The following PARD6G variants were observed in gnomAD, a reference collection of about 807,000 sequenced individuals.
PARD6G encodes partitioning defective 6 homolog gamma.
In PARD6G, 7 loss-of-function variants were observed where a neutral mutation model predicts 10.7. The observed-to-expected ratio is 0.66, with a 90% CI of 0.37 to 1.23. PARD6G has a LOEUF of 1.23. Ranked by LOEUF, PARD6G falls within the 50% of genes most tolerant of loss-of-function variation. PARD6G has a pLI of 0.02. For missense variants in PARD6G, 548 were observed against 571.8 expected (o/e 0.96, Z 0.42); for synonymous variants, 287 against 269.4 (o/e 1.07, Z -0.64).
chr18:80,246,602 G>T lies in PARD6G; in HGVS notation c.72+675C>A, dbSNP rs1276258315. Among the ~76,000 whole-genome samples the T allele has an allele frequency of 6.9e-6, 1 of 144,036 alleles. No homozygotes were observed. Among genetic ancestry groups the T allele is most frequent in the Non-Finnish European group, 1.5e-5 (1 of 64,870 alleles). 94.5% of individuals were successfully genotyped at this position (144,036 alleles called of 152,430 possible). ...CTGGGGCGGGGGCGCGTCCGGAGGT[G>T]GGGGAGTCTGGGGTGGGGGCGCGCC... is the stretch of plus-strand genomic sequence containing the variant. On this transcript the variant is annotated intron_variant, in intron 1 of 2. Coordinates refer to ENST00000353265, the MANE Select transcript of PARD6G (RefSeq NM_032510.4). This position sits in a 1 kb window ranked among gnomAD's most constrained non-coding sequence, Gnocchi z 6.7.
At chr18:80,194,284 G>A (rs561813423) in intron 2 of PARD6G, among the ~76,000 whole-genome samples, 2 of 152,222 alleles carry the variant, frequency 1.3e-5, no homozygotes, top group East Asian at 1.9e-4. Context: ...TGTGAGGTGC[G>A]TGCCTGTCGC....
chr18:80,177,809 A>G (rs537120153), intron 2 of PARD6G, among the ~76,000 whole-genome samples: 12 of 152,132 alleles, frequency 7.9e-5, no homozygotes, highest in Admixed American at 6.5e-4. Context: ...ACACACACAT[A>G]CATACATGCA....
intron 1 of PARD6G, among the ~76,000 whole-genome samples, chr18:80,242,056 T>C (rs1352763902): frequency 3.3e-5 from 5 of 152,140 alleles, no homozygotes; most frequent in African/African-American, 1.2e-4. Context: ...ACCCCCTGGC[T>C]AGCTGGGGTG....
At chr18:80,169,681 G>T (rs547770068) in intron 2 of PARD6G, 2 of 152,312 alleles carry the variant, frequency 1.3e-5, no homozygotes, top group East Asian at 1.9e-4. Context: ...TAAAGTGAGA[G>T]ATACAGCTTC....
At chr18:80,205,990 C>T (rs186212836) in intron 1 of PARD6G, among the ~76,000 whole-genome samples, 8 of 152,324 alleles carry the variant, frequency 5.3e-5, no homozygotes, top group East Asian at 1.9e-4. Context: ...ACCTCAGGAA[C>T]GCCAGGCCTC....
intron 1 of PARD6G, among the ~76,000 whole-genome samples, chr18:80,227,572 A>T (rs931644568): frequency 1.3e-5 from 2 of 152,188 alleles, no homozygotes; most frequent in African/African-American, 4.8e-5. Context: ...CTTCCAAATG[A>T]CTCAAGAAGG....
chr18:80,247,045 G>A lies in PARD6G; in HGVS notation c.72+232C>T, dbSNP rs1381806970. 6.6e-6 allele frequency among the ~76,000 whole-genome samples: 1 copy of A among 152,116 alleles called. No individual in the cohort carries two copies. Among genetic ancestry groups the A allele is most frequent in the East Asian group, 1.9e-4 (1 of 5,152 alleles). ...CCAGAGTCTGCCCGGACTGTCCGAT[G>A]GCCCTCGGCCCTCTGAGCGCCGCGG... is the stretch of plus-strand genomic sequence containing the variant. On this transcript the variant is annotated intron_variant, in intron 1 of 2. Coordinates refer to ENST00000353265, the MANE Select transcript of PARD6G (RefSeq NM_032510.4). The surrounding 1 kb of genome is among the most constrained non-coding windows in gnomAD (Gnocchi z 4.2).
At chr18:80,185,894 TCACA>T (rs1190814324) in intron 2 of PARD6G, among the ~76,000 whole-genome samples, 2 of 104,442 alleles carry the variant, frequency 1.9e-5, no homozygotes, top group East Asian at 2.9e-4. Context: ...TTGCACACCC[TCACA>T]CACGCACCCA....
chr18:80,186,503 C>T (rs1024947981), intron 2 of PARD6G, among the ~76,000 whole-genome samples: 17 of 147,202 alleles, frequency 1.2e-4, no homozygotes, highest in South Asian at 2.2e-4. Flanking sequence ...CACACATGCT[C>T]GCACACCCTC....
chr18:80,159,360 A>G lies in PARD6G; in HGVS notation c.*411T>C, dbSNP rs543406701. ...CGGCCTCGCCTGCAAGTCAGCAGAG[A>G]GCACAGCAAGAATGCTGAGATATGT... On this transcript the variant is annotated 3_prime_UTR_variant, in exon 3 of 3. Transcript: ENST00000353265. 1.7e-4 allele frequency: 26 copies of G among 157,384 alleles called. No homozygotes were observed. Among genetic ancestry groups the G allele is most frequent in the African/African-American group, 6.2e-4 (26 of 41,782 alleles). 9.7% of individuals were successfully genotyped at this position (157,384 alleles called of 1,614,324 possible).
intron 1 of PARD6G, among the ~76,000 whole-genome samples, chr18:80,207,849 C>T (rs1967068667): frequency 6.6e-6 from 1 of 151,944 alleles, no homozygotes; most frequent in South Asian, 2.1e-4. Flanking sequence ...GGTAACGAAG[C>T]ATAAGTTATT....
chr18:80,240,715 G>T (rs939300869), intron 1 of PARD6G, among the ~76,000 whole-genome samples: 1 of 152,146 alleles, frequency 6.6e-6, no homozygotes, highest in Non-Finnish European at 1.5e-5. Flanking sequence ...CAATTTCAGG[G>T]GAGACTCAGC....
chr18:80,203,453 G>A (rs1410005844), intron 1 of PARD6G, among the ~76,000 whole-genome samples: 4 of 152,076 alleles, frequency 2.6e-5, no homozygotes, highest in Non-Finnish European at 5.9e-5. Context: ...GACCCAGGAC[G>A]GCCCTCTCGT....
chr18:80,176,133 T>G (rs1458626284), intron 2 of PARD6G, among the ~76,000 whole-genome samples: 1 of 152,028 alleles, frequency 6.6e-6, no homozygotes, highest in Admixed American at 6.6e-5. Flanking sequence ...AACTGATACG[T>G]CTTGAAACAC....
In PARD6G at chr18:80,247,370, C is replaced by G; in HGVS notation, c.-22G>C. 1 of 1,545,512 alleles carries G rather than the reference C, an allele frequency of 6.5e-7. No individual in the cohort carries two copies. Among genetic ancestry groups the G allele is most frequent in the Non-Finnish European group, 8.7e-7 (1 of 1,143,674 alleles). ...TCATGGTTTCGGCCCCGGTCAGCCT[C>G]GCCGTCGCCCTCGCTCCTCAGGGGC... On this transcript the variant is annotated 5_prime_UTR_variant, in exon 1 of 3. Coordinates refer to ENST00000353265, the MANE Select transcript of PARD6G (RefSeq NM_032510.4). The surrounding 1 kb of genome is among the most constrained non-coding windows in gnomAD (Gnocchi z 4.2).
chr18:80,167,263 G>A (rs1280147869), intron 2 of PARD6G, among the ~76,000 whole-genome samples: 1 of 151,678 alleles, frequency 6.6e-6, no homozygotes, highest in African/African-American at 2.4e-5. Flanking sequence ...AGTGTTGCGT[G>A]TGGACGTGTT....
chr18:80,188,789 T>A lies in PARD6G; in HGVS notation c.295+13921A>T, dbSNP rs2052892970. On this transcript the variant is annotated intron_variant, in intron 2 of 2. Coordinates refer to ENST00000353265, the MANE Select transcript of PARD6G (RefSeq NM_032510.4). The surrounding 1 kb of genome is among the most constrained non-coding windows in gnomAD (Gnocchi z 5.4). ...CCTGGGATGGCCGGGGTACAGCAAG[T>A]GACAGGCATGTGGGAGAGACAAGCC... Among the ~76,000 whole-genome samples, 1 of 152,174 alleles carries A rather than the reference T, an allele frequency of 6.6e-6. No individual in the cohort carries two copies. The highest frequency in any genetic ancestry group is 1.5e-5 in the Non-Finnish European group (1 of 68,040).
rs901854399 is a variant in PARD6G at position 80,200,189 on chromosome 18, G to A, written c.295+2521C>T. Among the ~76,000 whole-genome samples, 32 of 152,272 alleles carry A rather than the reference G, an allele frequency of 2.1e-4. No homozygotes were observed. The highest frequency in any genetic ancestry group is 1.5e-3 in the Admixed American group (23 of 15,306). Reference sequence around the variant, plus strand: ...TGCAGTAAAAAGGCTGTGGGATTGAGTGTTGCCTCTCAGGGGCCTCAGCTC... The same window carrying A: ...TGCAGTAAAAAGGCTGTGGGATTGAATGTTGCCTCTCAGGGGCCTCAGCTC... On this transcript the variant is annotated intron_variant, in intron 2 of 2. Coordinates refer to ENST00000353265, the MANE Select transcript of PARD6G (RefSeq NM_032510.4). The surrounding 1 kb of genome is among the most constrained non-coding windows in gnomAD (Gnocchi z 4.4).
At chr18:80,177,274 ACACACACG>A (rs578209190) in intron 2 of PARD6G, among the ~76,000 whole-genome samples, 172 of 144,586 alleles carry the variant, frequency 1.2e-3, no homozygotes, top group African/African-American at 2.5e-3. Flanking sequence ...AATGGGAAGC[ACACACACG>A]CACACACGCA....
Sources: gnomAD v4.1 joint callset for allele counts (sites outside exome capture counted in the v4.1 genomes callset) on GRCh38, gnomAD v4.1.1 for gene constraint, Gnocchi (gnomAD v3.1) non-coding constraint, MANE v1.5 for transcripts, NCBI Gene and HGNC (gene_info 2026-07-23, HGNC 2026-07-21) for gene names.